Variants in SYT12 observed in about 807,000 individuals in gnomAD.
SYT12 encodes the protein synaptotagmin-12.
Under a neutral mutation model 39.5 loss-of-function variants are expected in SYT12, and 27 were observed. The ratio of observed to expected loss-of-function variants is 0.68; its 90% CI spans 0.50 to 0.94. SYT12 has a LOEUF of 0.94. SYT12 is among the 40% of genes least tolerant of loss of function. The pLI is 0.00. For synonymous variants in SYT12, 233 were observed against 239.7 expected (o/e 0.97, Z 0.26); for missense variants, 536 against 572.6 (o/e 0.94, Z 0.65).
chr11:67,038,111 C>T (rs1950419372), intron 3 of SYT12, among the ~76,000 whole-genome samples: 2 of 150,942 alleles, frequency 1.3e-5, no homozygotes, highest in South Asian at 4.2e-4. Context: ...TTCTTGTTTT[C>T]TCAAATCCCA....
chr11:67,019,248 A>G (rs1950084987), upstream of SYT12, among the ~76,000 whole-genome samples: 1 of 151,786 alleles, frequency 6.6e-6, no homozygotes, highest in African/African-American at 2.4e-5. Flanking sequence ...TGAGGTGGGT[A>G]GATCACCTGA....
chr11:67,045,286 G>A (rs1950595573), intron 6 of SYT12, among the ~76,000 whole-genome samples: 1 of 147,848 alleles, frequency 6.8e-6, no homozygotes, highest in Admixed American at 6.7e-5. Flanking sequence ...TGGGGCGGGG[G>A]TAGGTGGGGG....
chr11:67,025,059 C>T (rs1017915848), intron 1 of SYT12, among the ~76,000 whole-genome samples: 4 of 152,200 alleles, frequency 2.6e-5, no homozygotes, highest in African/African-American at 9.6e-5. Context: ...CCTGCCTGTT[C>T]AGGAGTCAGC....
At chr11:67,032,905 C>CAAAAAAAAAA (rs562451881) in intron 2 of SYT12, 1 of 67,154 alleles carries the variant, frequency 1.5e-5, no homozygotes, top group Admixed American at 1.7e-4. Flanking sequence ...AACTCCATCT[C>CAAAAAAAAAA]AAAAAAAAAA....
Position 67,048,809 on chromosome 11 carries a change from T to C in SYT12, c.*52T>C. ...GGAGCTGCTGGAGCCCGGTACCCAC[T>C]CAGCTCTGTCTGATGCCCTCTCCAT... On this transcript the variant is annotated 3_prime_UTR_variant, in exon 8 of 8. Coordinates refer to ENST00000527043, the MANE Select transcript of SYT12 (RefSeq NM_177963.4). The C allele has an allele frequency of 6.4e-7, 1 of 1,561,420 alleles. No homozygotes were observed. Among genetic ancestry groups the C allele is most frequent in the African/African-American group, 1.3e-5 (1 of 74,284 alleles).
chr11:67,021,259 G>A (rs1487611949), upstream of SYT12, among the ~76,000 whole-genome samples: 1 of 151,912 alleles, frequency 6.6e-6, no homozygotes, highest in Non-Finnish European at 1.5e-5. Flanking sequence ...CTCATTTCAA[G>A]CTCACTCCCG....
chr11:67,037,355 A>G (rs1177311808), intron 3 of SYT12, among the ~76,000 whole-genome samples: 1 of 152,290 alleles, frequency 6.6e-6, no homozygotes, highest in East Asian at 1.9e-4. Flanking sequence ...AATGTCCAAC[A>G]GTGGGGAAGA....
intron 3 of SYT12, among the ~76,000 whole-genome samples, chr11:67,039,595 C>G (rs148889123): frequency 6.6e-6 from 1 of 152,302 alleles, no homozygotes; most frequent in East Asian, 1.9e-4. Flanking sequence ...GCCTGGGCAA[C>G]AAGAGCAAAA....
chr11:67,009,727 A>AT (rs1462737413), intron 1 of SYT12, among the ~76,000 whole-genome samples: 1 of 152,168 alleles, frequency 6.6e-6, no homozygotes, highest in Non-Finnish European at 1.5e-5. Context: ...AAATAATTCC[A>AT]GGACAGACAC....
At chr11:67,012,453 G>A (rs778087535) in intron 3 of SYT12, among the ~76,000 whole-genome samples, 1 of 152,160 alleles carries the variant, frequency 6.6e-6, no homozygotes, top group African/African-American at 2.4e-5. Context: ...ACCTCAGACT[G>A]ACTGAGCTAT....
At chr11:67,025,069 C>G (rs866738420) in intron 1 of SYT12, among the ~76,000 whole-genome samples, 3 of 152,218 alleles carry the variant, frequency 2.0e-5, no homozygotes. Context: ...CAGGAGTCAG[C>G]ATGGTGACCA....
chr11:67,011,632 A>G (rs1271120440), intron 3 of SYT12, among the ~76,000 whole-genome samples: 1 of 152,204 alleles, frequency 6.6e-6, no homozygotes, highest in Non-Finnish European at 1.5e-5. Flanking sequence ...GCAGTAGGCT[A>G]TGAAAACGCT....
rs1057133921 is a variant in SYT12, at chr11:67,043,799, T to G, written c.783T>G (p.Leu261=). 6.2e-7 allele frequency: 1 copy of G among 1,614,104 alleles called. No individual in the cohort carries two copies. The highest frequency in any genetic ancestry group is 2.2e-5 in the East Asian group (1 of 44,890). ...TGGTGGAGCTGAAGCTTTCTGTGCT[T>G]GACCTCCCGCTGCAGCCCTTCAGTG... is the stretch of plus-strand genomic sequence containing the variant. ...TGVVELKLSV[L]DLPLQPFSGW... The change falls in exon 5 of 8, where the codon CTT becomes CTG. Residue 261 remains leucine (L), a synonymous_variant. Coordinates refer to ENST00000527043, the MANE Select transcript of SYT12 (RefSeq NM_177963.4).
At chr11:67,012,720 C>T (rs143389900) in intron 3 of SYT12, among the ~76,000 whole-genome samples, 75 of 152,282 alleles carry the variant, frequency 4.9e-4, no homozygotes, top group African/African-American at 1.6e-3. Context: ...CTCATTTCAG[C>T]GTCTCACTCA....
Position 67,040,201 on chromosome 11 carries a change from C to T in SYT12, c.619C>T (p.Arg207Trp), listed in dbSNP as rs750021799. Residue 207 changes from arginine to tryptophan, a missense_variant and splice_region_variant, in exon 4 of 8, where the codon CGG becomes TGG. Transcript: ENST00000527043. ...LPDEQIVGIS[R>W]IQRNAYSIFF... is the part of the protein sequence containing the mutation. ...GGACGAGCAGATCGTGGGCATTTCT[C>T]GGGTAAGTGGGGCTCAGGGCGGGGC... 1.9e-5 allele frequency: 30 copies of T among 1,570,526 alleles called. No homozygotes were observed. In the East Asian group the frequency reaches 6.1e-4, roughly 32 times the overall value.
intron 1 of SYT12, among the ~76,000 whole-genome samples, chr11:67,009,671 T>C (rs1001800623): frequency 1.3e-5 from 2 of 151,024 alleles, no homozygotes; most frequent in Non-Finnish European, 2.9e-5. Flanking sequence ...AGACACCTCA[T>C]GTCTGCTTCA....
chr11:67,019,798 G>A (rs1284956076), upstream of SYT12, among the ~76,000 whole-genome samples: 1 of 151,764 alleles, frequency 6.6e-6, no homozygotes, highest in Non-Finnish European at 1.5e-5. Context: ...TCAGGAGGCT[G>A]AGGTGGGAGG....
chr11:67,041,872 G>C (rs1020503282), intron 4 of SYT12, among the ~76,000 whole-genome samples: 3 of 152,224 alleles, frequency 2.0e-5, no homozygotes, highest in African/African-American at 4.8e-5. Flanking sequence ...AGAGCAGAGG[G>C]GGGAAGGGTG....
chr11:67,028,817 A>G (rs1453394844), intron 1 of SYT12: 1 of 152,252 alleles, frequency 6.6e-6, no homozygotes, highest in African/African-American at 2.4e-5. Context: ...TTAAAGTGCC[A>G]GAAGATCAAG....
Sources: allele counts gnomAD v4.1 joint callset (sites outside exome capture counted in the v4.1 genomes callset), GRCh38; gene constraint gnomAD v4.1.1; transcripts MANE v1.5; gene names NCBI Gene and HGNC (gene_info 2026-07-23, HGNC 2026-07-21).